The following CLIC4 variants were observed in gnomAD, a reference collection of about 807,000 sequenced individuals.
CLIC4 encodes chloride intracellular channel protein 4.
In CLIC4, 13 loss-of-function variants were observed where a neutral mutation model predicts 24.6. The ratio of observed to expected loss-of-function variants is 0.53; its 90% confidence interval spans 0.34 to 0.84. The LOEUF is 0.84. Among genes scored for constraint, CLIC4 ranks in the 40% least tolerant of loss-of-function variants. The probability of loss-of-function intolerance (pLI) is 0.01; values close to 1 mark genes in which losing one functional copy is unlikely to be tolerated. For synonymous variants in CLIC4, 104 were observed against 111.3 expected, an observed-to-expected ratio of 0.93 and a Z score of 0.41; for missense variants, 227 against 301.7, an observed-to-expected ratio of 0.75 and a Z score of 1.83.
chr1:24,825,540 T>C (rs533622642), intron 3 of CLIC4, among the ~76,000 whole-genome samples: 15 of 152,334 alleles, frequency 9.8e-5, no homozygotes, highest in Non-Finnish European at 1.9e-4. Flanking sequence ...CTGTAATTTT[T>C]ACAGAAAAAC....
rs150785085 is a variant in CLIC4 at position 24,767,082 on chromosome 1, A to G, written c.72+21457A>G. On this transcript the variant is annotated intron_variant, in intron 1 of 5. Coordinates refer to ENST00000374379, the MANE Select transcript of CLIC4 (RefSeq NM_013943.3). ...AAAGAAAAACCAAAAAAACCTTATA[A>G]TGTTTTAAGAAAGTTTATGGATTTG... Among the ~76,000 whole-genome samples, 166 of 151,634 alleles carry G rather than the reference A, an allele frequency of 1.1e-3. 1 individual carries two copies. Among genetic ancestry groups the G allele is most frequent in the African/African-American group, 3.8e-3 (157 of 41,406 alleles).
rs1639947638 is a variant in CLIC4, at chr1:24,841,918, G to A, written c.*981G>A. 1 of 152,614 alleles carries A rather than the reference G, an allele frequency of 6.6e-6. No individual in the cohort carries two copies. The allele number at this position is 152,614 out of a possible 1,614,324, so 9.5% of individuals were successfully genotyped here. ...CACAGAAATTAACCTAAGGAATGAA[G>A]GGTGGGTTTGTCAAAATATCAAGTA... On this transcript the variant is annotated 3_prime_UTR_variant, in exon 6 of 6. Coordinates refer to ENST00000374379, the MANE Select transcript of CLIC4 (RefSeq NM_013943.3).
intron 3 of CLIC4, among the ~76,000 whole-genome samples, chr1:24,817,440 T>G (rs1639683176): frequency 6.6e-6 from 1 of 152,220 alleles, no homozygotes; most frequent in Admixed American, 6.5e-5. Context: ...ACCTTCAAAC[T>G]TTCTTCTGTA....
chr1:24,818,812 TAAA>T (rs59529329), intron 3 of CLIC4, among the ~76,000 whole-genome samples: 2 of 146,462 alleles, frequency 1.4e-5, no homozygotes, highest in African/African-American at 5.0e-5. Flanking sequence ...TGTCTTAATT[TAAA>T]AAAAAAAAAA....
intron 1 of CLIC4, among the ~76,000 whole-genome samples, chr1:24,790,500 T>C (rs1423569574): frequency 6.6e-6 from 1 of 152,232 alleles, no homozygotes; most frequent in Non-Finnish European, 1.5e-5. Flanking sequence ...GTAGTGAGTT[T>C]CTTAGTTTTT....
intron 1 of CLIC4, among the ~76,000 whole-genome samples, chr1:24,750,860 G>A (rs1638765119): frequency 6.6e-6 from 1 of 152,018 alleles, no homozygotes; most frequent in Non-Finnish European, 1.5e-5. Context: ...TGCTAGTTGT[G>A]TATAATTTTG....
intron 2 of CLIC4, among the ~76,000 whole-genome samples, chr1:24,813,483 T>G (rs1303452839): frequency 6.6e-6 from 1 of 150,512 alleles, no homozygotes; most frequent in Admixed American, 6.6e-5. Flanking sequence ...CAGTGGTACA[T>G]TCTCAGCTCA....
At chr1:24,768,593 C>T (rs1639033316) in intron 1 of CLIC4, among the ~76,000 whole-genome samples, 2 of 151,812 alleles carry the variant, frequency 1.3e-5, no homozygotes, top group South Asian at 4.2e-4. Flanking sequence ...TCATCTTATA[C>T]CACAATGAGA....
chr1:24,808,217 A>G (rs1639573440), intron 2 of CLIC4, among the ~76,000 whole-genome samples: 1 of 152,122 alleles, frequency 6.6e-6, no homozygotes, highest in Non-Finnish European at 1.5e-5. Flanking sequence ...AGGTGCTGAG[A>G]TTATAGACAT....
At chr1:24,820,070 T>TATATATATATATATAA (rs1639712583) in intron 3 of CLIC4, among the ~76,000 whole-genome samples, 1 of 33,550 alleles carries the variant, frequency 3.0e-5, no homozygotes, top group South Asian at 1.6e-3. Flanking sequence ...AAAGTATGTA[T>TATATATATATATATAA]ATATATATGT....
intron 5 of CLIC4, 136 bp downstream of exon 5, chr1:24,840,177 GA>G: frequency 1.4e-6 from 1 of 724,374 alleles, no homozygotes; most frequent in Non-Finnish European, 2.2e-6. Context: ...GGCAATAGTT[GA>G]AGCACCCTAG....
intron 2 of CLIC4, among the ~76,000 whole-genome samples, chr1:24,812,259 T>C (rs547182601): frequency 6.6e-6 from 1 of 152,296 alleles, no homozygotes; most frequent in South Asian, 2.1e-4. Flanking sequence ...TTACCCTTCA[T>C]TATGCCATCT....
chr1:24,836,362 A>G (rs1372781595), intron 4 of CLIC4, among the ~76,000 whole-genome samples: 1 of 152,244 alleles, frequency 6.6e-6, no homozygotes. Context: ...GAACAAATTT[A>G]ATCTCATATA....
intron 1 of CLIC4, among the ~76,000 whole-genome samples, chr1:24,746,024 C>G (rs941278485): frequency 1.3e-5 from 2 of 151,348 alleles, no homozygotes; most frequent in Non-Finnish European, 3.0e-5. Flanking sequence ...CCCCAGCGCT[C>G]CGGTCCGCCG....
intron 1 of CLIC4, 32 bp downstream of exon 1, chr1:24,745,657 G>T: frequency 6.6e-7 from 1 of 1,515,750 alleles, no homozygotes; most frequent in Non-Finnish European, 8.9e-7. Flanking sequence ...CCGCCCGGCA[G>T]ATCCCCCGGC....
At position 24,842,538 on chromosome 1, in the gene CLIC4, G is replaced by A. The variant is rs188432629; in HGVS notation, c.*1601G>A. The A allele has an allele frequency of 1.3e-5, 2 of 151,982 alleles. No homozygotes were observed. The highest frequency in any genetic ancestry group is 2.9e-5 in the Non-Finnish European group (2 of 67,982). The allele number at this position is 151,982 out of a possible 1,614,324, so 9.4% of individuals were successfully genotyped here. A position where few individuals can be genotyped will look rare whatever the true frequency, so the allele number is the denominator to read the frequency against. On this transcript the variant is annotated 3_prime_UTR_variant, in exon 6 of 6. Coordinates refer to ENST00000374379, the MANE Select transcript of CLIC4 (RefSeq NM_013943.3). ...TAGTAAGCACTGGCTTTATGAAAGC[G>A]GCTTTTTATAAGTATACTGCATTTT...
chr1:24,791,301 A>G (rs567424975), intron 1 of CLIC4, among the ~76,000 whole-genome samples: 7 of 152,208 alleles, frequency 4.6e-5, no homozygotes, highest in Admixed American at 6.5e-5. Context: ...TTGTATCACA[A>G]TGCCCTCAGT....
intron 4 of CLIC4, among the ~76,000 whole-genome samples, chr1:24,836,372 A>G (rs1012226765): frequency 1.3e-5 from 2 of 152,360 alleles, no homozygotes; most frequent in South Asian, 2.1e-4. Context: ...AATCTCATAT[A>G]TGTATATACA....
intron 4 of CLIC4, among the ~76,000 whole-genome samples, chr1:24,828,471 C>T (rs540435410): frequency 3.7e-4 from 57 of 152,088 alleles, no homozygotes; most frequent in African/African-American, 1.3e-3. Context: ...TTCTGTTCTG[C>T]GCTTCATGCG....
Sources: gnomAD v4.1 joint callset for allele counts (sites outside exome capture counted in the v4.1 genomes callset) on GRCh38, gnomAD v4.1.1 for gene constraint, MANE v1.5 for transcripts, NCBI Gene and HGNC (gene_info 2026-07-23, HGNC 2026-07-21) for gene names.